Variants in CDH12 observed in about 807,000 individuals in gnomAD.
CDH12 encodes the protein cadherin 12, also known as cadherin-12.
A neutral mutation model predicts 74.1 loss-of-function variants in CDH12; 41 were observed. The observed-to-expected ratio is 0.55, with a 90% confidence interval of 0.43 to 0.72. The LOEUF (loss-of-function observed/expected upper bound fraction) is 0.72. Among genes scored for constraint, CDH12 ranks in the 30% least tolerant of loss-of-function variants. The pLI, the probability that CDH12 is intolerant of heterozygous loss-of-function variation, is 0.00. For missense variants in CDH12, 945 were observed against 977.2 expected (o/e 0.97, Z 0.44); for synonymous variants, 399 against 355.0 (o/e 1.12, Z -1.39).
chr5:22,457,829 C>T (rs548373418), intron 2 of CDH12, among the ~76,000 whole-genome samples: 2 of 152,274 alleles, frequency 1.3e-5, no homozygotes, highest in East Asian at 3.9e-4. Context: ...ACTGCAACCT[C>T]CGCCTCCTGG....
chr5:22,384,034 A>G (rs1211436719), intron 3 of CDH12, among the ~76,000 whole-genome samples: 1 of 152,058 alleles, frequency 6.6e-6, no homozygotes, highest in Non-Finnish European at 1.5e-5. Flanking sequence ...TGCTAGATTT[A>G]AGCTTTCTCT....
chr5:22,004,378 C>T (rs1462663487), intron 5 of CDH12, among the ~76,000 whole-genome samples: 2 of 152,152 alleles, frequency 1.3e-5, no homozygotes, highest in Admixed American at 1.3e-4. Context: ...TAGGAAGGTT[C>T]ATATTTCACT....
intron 9 of CDH12, 118 bp downstream of exon 9, chr5:21,816,827 G>A (rs1748078766): frequency 1.5e-6 from 1 of 657,938 alleles, no homozygotes; most frequent in Non-Finnish European, 2.4e-6. Flanking sequence ...CATGGTTCAA[G>A]GGTCAACTCT....
intron 6 of CDH12, among the ~76,000 whole-genome samples, chr5:21,900,246 C>A (rs77517246): frequency 6.6e-6 from 1 of 151,990 alleles, no homozygotes; most frequent in Non-Finnish European, 1.5e-5. Context: ...TGCCTCAATT[C>A]CTGTGGAAGG....
chr5:21,957,828 C>T (rs559149103), intron 6 of CDH12, among the ~76,000 whole-genome samples: 163 of 152,044 alleles, frequency 1.1e-3, no homozygotes, highest in African/African-American at 3.7e-3. Flanking sequence ...ATTTGTCAGA[C>T]GCATAGTTTG....
intron 2 of CDH12, among the ~76,000 whole-genome samples, chr5:22,418,994 C>T (rs1377525345): frequency 3.9e-5 from 6 of 151,996 alleles, no homozygotes; most frequent in Middle Eastern, 3.2e-3. Context: ...TGAAGTTTGT[C>T]GAAGGTCTTT....
chr5:21,933,620 TAAC>T (rs1408923965), intron 6 of CDH12, among the ~76,000 whole-genome samples: 1 of 152,166 alleles, frequency 6.6e-6, no homozygotes, highest in African/African-American at 2.4e-5. Flanking sequence ...AGATTTATAT[TAAC>T]AAAACAAGTA....
intron 1 of CDH12, among the ~76,000 whole-genome samples, chr5:22,749,840 G>C (rs1352738994): frequency 6.6e-6 from 1 of 152,176 alleles, no homozygotes; most frequent in Non-Finnish European, 1.5e-5. Context: ...ACTGTAAATA[G>C]GCAGTACATT....
chr5:22,343,516 C>G (rs1162647366), intron 3 of CDH12, among the ~76,000 whole-genome samples: 2 of 152,206 alleles, frequency 1.3e-5, no homozygotes, highest in East Asian at 3.9e-4. Flanking sequence ...CTCCCGGGTT[C>G]ATGCCATTCT....
intron 2 of CDH12, among the ~76,000 whole-genome samples, chr5:22,447,284 A>C (rs747433643): frequency 4.0e-5 from 6 of 151,780 alleles, no homozygotes; most frequent in Non-Finnish European, 8.8e-5. Context: ...TCTTCTTCTT[A>C]TTTCTTACAA....
intron 1 of CDH12, among the ~76,000 whole-genome samples, chr5:22,528,282 G>T (rs72746606): frequency 0.02 from 3,025 of 152,170 alleles, 47 homozygotes; most frequent in Non-Finnish European, 0.031. Context: ...GAGTAGGGGG[G>T]GTTGCTTCCA....
intron 5 of CDH12, among the ~76,000 whole-genome samples, chr5:22,012,667 T>C (rs986508639): frequency 6.6e-6 from 1 of 151,464 alleles, no homozygotes; most frequent in Non-Finnish European, 1.5e-5. Flanking sequence ...GGTTGAGTTA[T>C]ATAACATTCA....
intron 2 of CDH12, among the ~76,000 whole-genome samples, chr5:22,425,029 T>C (rs1743838996): frequency 6.7e-6 from 1 of 149,536 alleles, no homozygotes; most frequent in African/African-American, 2.4e-5. Context: ...CACATTGCTT[T>C]TTTACTGGAT....
At chr5:22,702,256 C>T (rs1580903789) in intron 1 of CDH12, among the ~76,000 whole-genome samples, 1 of 152,064 alleles carries the variant, frequency 6.6e-6, no homozygotes, top group African/African-American at 2.4e-5. Context: ...AGCTCCATTC[C>T]TTAGTTAGGA....
chr5:22,440,997 G>A (rs1235191727), intron 2 of CDH12, among the ~76,000 whole-genome samples: 1 of 152,114 alleles, frequency 6.6e-6, no homozygotes, highest in Non-Finnish European at 1.5e-5. Context: ...GTCTTGGCAG[G>A]CAGAGTACAG....
chr5:22,712,082 G>T (rs1265942764), intron 1 of CDH12, among the ~76,000 whole-genome samples: 1 of 151,832 alleles, frequency 6.6e-6, no homozygotes, highest in South Asian at 2.1e-4. Flanking sequence ...ACACAGTGTA[G>T]CACACACAGT....
chr5:22,491,976 A>G (rs1746890710), intron 2 of CDH12, among the ~76,000 whole-genome samples: 1 of 152,192 alleles, frequency 6.6e-6, no homozygotes, highest in Non-Finnish European at 1.5e-5. Context: ...AGGGCTCACT[A>G]TAACGACCTC....
At chr5:22,045,030 A>C (rs2150187321) in intron 5 of CDH12, among the ~76,000 whole-genome samples, 1 of 152,344 alleles carries the variant, frequency 6.6e-6, no homozygotes, top group South Asian at 2.1e-4. Flanking sequence ...TGAACTGTTC[A>C]CCTGACAAAG....
intron 6 of CDH12, among the ~76,000 whole-genome samples, chr5:21,907,904 G>A (rs1221147241): frequency 6.6e-6 from 1 of 152,188 alleles, no homozygotes; most frequent in Non-Finnish European, 1.5e-5. Context: ...TAATTGGGAT[G>A]TTCTGATATT....
Sources: allele counts gnomAD v4.1 joint callset (sites outside exome capture counted in the v4.1 genomes callset), GRCh38; gene constraint gnomAD v4.1.1; transcripts MANE v1.5; gene names NCBI Gene and HGNC (gene_info 2026-07-23, HGNC 2026-07-21).